GPATCH11: variants seen among roughly 807,000 people sequenced by gnomAD.
GPATCH11 encodes the protein G patch domain-containing protein 11.
GPATCH11 carries 32 observed loss-of-function variants against 44.8 expected under a neutral mutation model. The ratio of observed to expected loss-of-function variants is 0.71; its 90% CI spans 0.54 to 0.96. The LOEUF is 0.96. Ranked by LOEUF, GPATCH11 falls within the 40% of genes least tolerant of loss-of-function variation. The probability of loss-of-function intolerance (pLI) is 0.00; values close to 1 mark genes in which losing one functional copy is unlikely to be tolerated. For synonymous variants in GPATCH11, 84 were observed against 94.4 expected (o/e 0.89, Z 0.64); for missense variants, 324 against 303.1 (o/e 1.07, Z -0.51).
intron 1 of GPATCH11, 129 bp from the exon 2 acceptor site, chr2:37,088,240 G>A (rs1171758914): frequency 4.4e-6 from 2 of 452,812 alleles, no homozygotes; most frequent in Non-Finnish European, 8.1e-6. Flanking sequence ...AATGTCCACA[G>A]ATAAAGATGT....
intron 1 of GPATCH11, among the ~76,000 whole-genome samples, chr2:37,084,964 G>A (rs1672917999): frequency 6.6e-6 from 1 of 152,080 alleles, no homozygotes; most frequent in Non-Finnish European, 1.5e-5. Flanking sequence ...TCTTGACATC[G>A]TTCTTTACGT....
chr2:37,096,240 C>G lies in GPATCH11; in HGVS notation c.769C>G (p.Pro257Ala). 1.3e-6 allele frequency: 2 copies of G among 1,588,696 alleles called. No homozygotes were observed. Among genetic ancestry groups the G allele is most frequent in the African/African-American group, 2.7e-5 (2 of 74,288 alleles). The change falls in exon 9 of 9, where the codon CCA becomes GCA. Residue 257 changes from proline (P) to alanine (A), a missense_variant. Physicochemically the swap from Pro to Ala is conservative, Grantham distance 27. Transcript: ENST00000674370. ...KEDLSSNCPG[P>A]TSADHD Reference sequence around the variant, plus strand: ...AGACCTATCTTCAAATTGTCCAGGACCAACTTCTGCAGATCATGACTAAGA... The same window carrying G: ...AGACCTATCTTCAAATTGTCCAGGAGCAACTTCTGCAGATCATGACTAAGA...
rs1417558641 is a variant in GPATCH11 at position 37,097,042 on chromosome 2, A to G, written c.*779A>G. The G allele has an allele frequency of 6.6e-6, 1 of 152,216 alleles. No homozygotes were observed. The highest frequency in any genetic ancestry group is 1.5e-5 in the Non-Finnish European group (1 of 68,044). 9.4% of individuals were successfully genotyped at this position (152,216 alleles called of 1,614,324 possible). ...AACTGTGATAATTTCTGGTAAAATC[A>G]TGAGTTTTCATGACAATGTCTATAT... is the stretch of plus-strand genomic sequence containing the variant. On this transcript the variant is annotated 3_prime_UTR_variant, in exon 9 of 9. Transcript: ENST00000674370.
intron 4 of GPATCH11, 150 bp downstream of exon 4, chr2:37,090,872 G>A: frequency 1.8e-6 from 1 of 545,076 alleles, no homozygotes; most frequent in Non-Finnish European, 3.3e-6. Context: ...TCTTCAACCA[G>A]AAAAGAAATA....
intron 3 of GPATCH11, among the ~76,000 whole-genome samples, chr2:37,090,152 A>C (rs186281312): frequency 1.2e-3 from 180 of 152,362 alleles, no homozygotes; most frequent in Non-Finnish European, 1.6e-3. Flanking sequence ...AATGGTGATA[A>C]GTGATGGGTT....
At chr2:37,087,125 A>G (rs1018719350) in intron 1 of GPATCH11, among the ~76,000 whole-genome samples, 13 of 151,968 alleles carry the variant, frequency 8.6e-5, no homozygotes, top group African/African-American at 2.9e-4. Context: ...TTCCCCCACA[A>G]CCCATATATT....
chr2:37,090,765 T>TA (rs1383012497), intron 4 of GPATCH11, 43 bp downstream of exon 4: 5 of 949,510 alleles, frequency 5.3e-6, no homozygotes, highest in Non-Finnish European at 8.2e-6. Flanking sequence ...AATAATAACT[T>TA]ACGCTTAGGT....
chr2:37,089,461 G>A (rs1443059948), intron 2 of GPATCH11, among the ~76,000 whole-genome samples, 179 bp from the exon 3 acceptor site: 1 of 152,058 alleles, frequency 6.6e-6, no homozygotes, highest in Non-Finnish European at 1.5e-5. Context: ...CAGTTACTCA[G>A]GAGGCTGAGG....
In GPATCH11 at chr2:37,096,982, A is replaced by G. The variant is rs565977745; in HGVS notation, c.*719A>G. ...CTCAATAAGGCTGATGTCAGAGGCA[A>G]TGTTCGACCAGTACTACTAAATTCT... On this transcript the variant is annotated 3_prime_UTR_variant, in exon 9 of 9. Transcript: ENST00000674370. 3 of 152,350 alleles carry G rather than the reference A, an allele frequency of 2.0e-5. No individual in the cohort carries two copies. The highest frequency in any genetic ancestry group is 2.1e-4 in the South Asian group (1 of 4,828). 9.4% of individuals were successfully genotyped at this position (152,350 alleles called of 1,614,324 possible). A position where few individuals can be genotyped will look rare whatever the true frequency, so the allele number is the denominator to read the frequency against.
intron 8 of GPATCH11, 51 bp downstream of exon 8, chr2:37,095,569 T>C (rs1673536733): frequency 1.3e-6 from 2 of 1,489,026 alleles, no homozygotes; most frequent in African/African-American, 2.9e-5. Flanking sequence ...CTCTCCAATT[T>C]TTAGTTAAAG....
rs1673457175 is a variant in GPATCH11, at chr2:37,094,109, T to C, written c.568T>C (p.Tyr190His). ...KNIQVPREAW[Y>H]WLRLEEETEE... Reference sequence around the variant, plus strand: ...TATTCAGGTTCCCAGGGAAGCATGGTACTGGTTGAGGCTTGAAGAGGAGAC... The same window carrying C: ...TATTCAGGTTCCCAGGGAAGCATGGCACTGGTTGAGGCTTGAAGAGGAGAC... Residue 190 changes from tyrosine (Y) to histidine (H), a missense_variant, in exon 7 of 9, where the codon TAC (tyrosine) becomes CAC (histidine). Coordinates refer to ENST00000674370, the MANE Select transcript of GPATCH11 (RefSeq NM_174931.4). The C allele has an allele frequency of 1.3e-6, 2 of 1,599,208 alleles. No homozygotes were observed. Among genetic ancestry groups the C allele is most frequent in the Non-Finnish European group, 1.7e-6 (2 of 1,172,256 alleles).
In GPATCH11 at chr2:37,096,451, A is replaced by G. The variant is rs190383151; in HGVS notation, c.*188A>G. On this transcript the variant is annotated 3_prime_UTR_variant, in exon 9 of 9. Transcript: ENST00000674370. ...GAAAAAAATAATGCAATGGCATTTC[A>G]GAACACAAGTATCACAGAGATGGAC... is the stretch of plus-strand genomic sequence containing the variant. 2.1e-5 allele frequency: 12 copies of G among 562,306 alleles called. No homozygotes were observed. The Admixed American group carries it at 4.4e-4, about 21-fold the overall frequency. The allele number at this position is 562,306 out of a possible 1,614,324, so 34.8% of individuals were successfully genotyped here.
chr2:37,085,984 A>G (rs1191780141), intron 1 of GPATCH11, among the ~76,000 whole-genome samples: 1 of 152,206 alleles, frequency 6.6e-6, no homozygotes, highest in Non-Finnish European at 1.5e-5. Flanking sequence ...GACCTTCTCC[A>G]TAGAGCTTCT....
At chr2:37,090,061 A>G (rs1673243250) in intron 3 of GPATCH11, among the ~76,000 whole-genome samples, 195 bp downstream of exon 3, 2 of 152,264 alleles carry the variant, frequency 1.3e-5, no homozygotes, top group South Asian at 4.1e-4. Flanking sequence ...CACATGTGCC[A>G]TCAAGAGCTG....
intron 7 of GPATCH11, 58 bp downstream of exon 7, chr2:37,094,253 T>C: frequency 9.7e-7 from 1 of 1,025,654 alleles, no homozygotes; most frequent in Non-Finnish European, 1.5e-6. Flanking sequence ...ATTAGCACTT[T>C]GAGTTGTGGT....
chr2:37,093,260 C>T (rs914801180), intron 6 of GPATCH11, among the ~76,000 whole-genome samples: 4 of 151,980 alleles, frequency 2.6e-5, no homozygotes, highest in Admixed American at 6.6e-5. Flanking sequence ...TTTGAGAGGA[C>T]GAGGCTGCAG....
At position 37,084,548 on chromosome 2, in the gene GPATCH11, C is replaced by T. The variant is rs1408397891; in HGVS notation, c.-36C>T. 2 of 1,232,552 alleles carry T rather than the reference C, an allele frequency of 1.6e-6. No individual in the cohort carries two copies. Among genetic ancestry groups the T allele is most frequent in the Non-Finnish European group, 2.0e-6 (2 of 988,242 alleles). The allele number at this position is 1,232,552 out of a possible 1,614,324, so 76.4% of individuals were successfully genotyped here. ...CAGCGCGCGCTCTACGGCGCTGAAC[C>T]GGGGCGAGCAGAGAGCTGTCAGGTA... On this transcript the variant is annotated 5_prime_UTR_variant, in exon 1 of 9. Transcript: ENST00000674370.
chr2:37,094,219 A>T, intron 7 of GPATCH11, 24 bp downstream of exon 7: 1 of 1,401,966 alleles, frequency 7.1e-7, no homozygotes, highest in Non-Finnish European at 9.9e-7. Context: ...CATTTCCTTC[A>T]TAGGGTGTCT....
In GPATCH11 at chr2:37,098,350, A is replaced by ATG. The variant is rs1276767785; in HGVS notation, c.*2089_*2090dup. The ATG allele has an allele frequency of 2.0e-5, 2 of 102,498 alleles. No homozygotes were observed. Among genetic ancestry groups the ATG allele is most frequent in the African/African-American group, 3.2e-5 (1 of 31,288 alleles). 6.3% of individuals were successfully genotyped at this position (102,498 alleles called of 1,614,324 possible). A position where few individuals can be genotyped will look rare whatever the true frequency, so the allele number is the denominator to read the frequency against. On this transcript the variant is annotated 3_prime_UTR_variant, in exon 9 of 9. Coordinates refer to ENST00000674370, the MANE Select transcript of GPATCH11 (RefSeq NM_174931.4). ...AAAAAAAAATTATATATATATATGTATGTATATATATATATATATAGAGAG... is the reference window on the plus strand; with the variant it reads ...AAAAAAAAATTATATATATATATGTATGTGTATATATATATATATATAGAGAG...
Sources: gnomAD v4.1 joint callset for allele counts (sites outside exome capture counted in the v4.1 genomes callset) on GRCh38, gnomAD v4.1.1 for gene constraint, MANE v1.5 for transcripts, NCBI Gene and HGNC (gene_info 2026-07-23, HGNC 2026-07-21) for gene names.